PRR16: variants seen among roughly 807,000 people sequenced by gnomAD.
PRR16 encodes protein Largen.
Under a neutral mutation model 18.2 loss-of-function variants are expected in PRR16, and 6 were observed. The ratio of observed to expected loss-of-function variants is 0.33; its 90% CI spans 0.18 to 0.65. The LOEUF (loss-of-function observed/expected upper bound fraction) is 0.65, where lower values mean the gene tolerates loss of function less well. PRR16 is among the 30% of genes least tolerant of loss of function. The pLI is 0.74. For synonymous variants in PRR16, 151 were observed against 147.8 expected, an observed-to-expected ratio of 1.02 and a Z score of -0.16; for missense variants, 412 against 376.6, an observed-to-expected ratio of 1.09 and a Z score of -0.78.
chr5:120,606,197 C>T (rs772853622), intron 1 of PRR16, among the ~76,000 whole-genome samples: 5 of 152,116 alleles, frequency 3.3e-5, no homozygotes, highest in Non-Finnish European at 7.3e-5. Context: ...TTCTGGTTTC[C>T]AGAATGTGCC....
the PRR16 span, among the ~76,000 whole-genome samples, chr5:120,776,710 ATTATAT>A: frequency 1.4e-4 from 21 of 152,238 alleles, no homozygotes; most frequent in South Asian, 4.1e-4. Flanking sequence ...TTTCTCATAG[ATTATAT>A]TTGTATTTGT....
At chr5:120,667,352 T>C (rs1415115930) in intron 1 of PRR16, among the ~76,000 whole-genome samples, 5 of 151,344 alleles carry the variant, frequency 3.3e-5, no homozygotes, top group South Asian at 2.1e-4. Flanking sequence ...TCTTTTTTTC[T>C]TTATTAGTCT....
the PRR16 span, among the ~76,000 whole-genome samples, chr5:120,746,537 T>C: frequency 6.6e-6 from 1 of 152,150 alleles, no homozygotes; most frequent in African/African-American, 2.4e-5. Flanking sequence ...AATTTATCAG[T>C]GTTTATCTTT....
At chr5:120,515,454 T>G (rs992166786) in intron 1 of PRR16, among the ~76,000 whole-genome samples, 1 of 152,192 alleles carries the variant, frequency 6.6e-6, no homozygotes, top group Non-Finnish European at 1.5e-5. Context: ...TATAAATCAT[T>G]GAAAATTGAT....
At chr5:120,713,613 A>C in the PRR16 span, among the ~76,000 whole-genome samples, 1 of 152,158 alleles carries the variant, frequency 6.6e-6, no homozygotes, top group Non-Finnish European at 1.5e-5. Flanking sequence ...AAAGAATCTG[A>C]GTCCGAAAGG....
At chr5:120,694,969 A>G in the PRR16 span, among the ~76,000 whole-genome samples, 1 of 152,192 alleles carries the variant, frequency 6.6e-6, no homozygotes, top group African/African-American at 2.4e-5. Context: ...ACCAAGCATA[A>G]AAGTTTGTGA....
chr5:120,537,700 A>T (rs1751765139), intron 1 of PRR16, among the ~76,000 whole-genome samples: 1 of 152,086 alleles, frequency 6.6e-6, no homozygotes, highest in Admixed American at 6.5e-5. Context: ...GCAAAAAATA[A>T]ATTGTTTTTA....
rs1231768992 is a variant in PRR16, at chr5:120,490,150, G to C, written c.159+25505G>C. The stretch of plus-strand genomic sequence containing the variant: ...GTGTCTTGGAGTTGCTGTTCTCGAG[G>C]AGTATCTTTGTGGCGTTCTCTGTAT... On this transcript the variant is annotated intron_variant, in intron 1 of 1. Coordinates refer to ENST00000407149, the MANE Select transcript of PRR16 (RefSeq NM_001300783.2). 2.6e-5 allele frequency among the ~76,000 whole-genome samples: 4 copies of C among 152,178 alleles called. No homozygotes were observed. The East Asian group carries it at 7.7e-4, about 29-fold the overall frequency.
At chr5:120,713,164 A>G in the PRR16 span, among the ~76,000 whole-genome samples, 1 of 152,132 alleles carries the variant, frequency 6.6e-6, no homozygotes, top group Non-Finnish European at 1.5e-5. Context: ...AAAGAAGAAA[A>G]TACTGCCATT....
At chr5:120,665,604 G>A (rs1756344525) in intron 1 of PRR16, among the ~76,000 whole-genome samples, 2 of 152,254 alleles carry the variant, frequency 1.3e-5, no homozygotes, top group East Asian at 1.9e-4. Flanking sequence ...TAACATGTAA[G>A]TCTTTAATCC....
the PRR16 span, among the ~76,000 whole-genome samples, chr5:120,784,920 G>A: frequency 5.9e-5 from 9 of 152,302 alleles, no homozygotes; most frequent in Admixed American, 1.3e-4. Context: ...GGTGTTAGGT[G>A]TATCTTTAAA....
chr5:120,591,670 ATAAT>A (rs984969305), intron 1 of PRR16, among the ~76,000 whole-genome samples: 3 of 152,110 alleles, frequency 2.0e-5, no homozygotes, highest in African/African-American at 7.2e-5. Context: ...AATTATTTGT[ATAAT>A]TACTTTCTGT....
intron 1 of PRR16, among the ~76,000 whole-genome samples, chr5:120,487,337 T>A (rs965103741): frequency 7.7e-4 from 117 of 152,174 alleles, no homozygotes; most frequent in African/African-American, 2.7e-3. Context: ...CAGTGGTTTG[T>A]AGTTCTCCTT....
chr5:120,603,693 G>A (rs1175009811), intron 1 of PRR16, among the ~76,000 whole-genome samples: 1 of 151,850 alleles, frequency 6.6e-6, no homozygotes, highest in Non-Finnish European at 1.5e-5. Flanking sequence ...TAGGGATTTA[G>A]TACAATATAC....
At chr5:120,496,932 A>G (rs924299033) in intron 1 of PRR16, among the ~76,000 whole-genome samples, 1 of 151,936 alleles carries the variant, frequency 6.6e-6, no homozygotes, top group Non-Finnish European at 1.5e-5. Context: ...TGTATTTTTT[A>G]ATTTTCCTTG....
the PRR16 span, among the ~76,000 whole-genome samples, chr5:120,754,256 A>AT: frequency 2.8e-4 from 9 of 32,660 alleles, no homozygotes; most frequent in African/African-American, 1.1e-3. Flanking sequence ...ATTATAATAT[A>AT]AAAATATAAA....
chr5:120,645,789 C>G (rs962146368), intron 1 of PRR16, among the ~76,000 whole-genome samples: 9 of 151,866 alleles, frequency 5.9e-5, no homozygotes, highest in African/African-American at 2.2e-4. Context: ...CTCTAGTGAT[C>G]AATTTATCTG....
intron 1 of PRR16, among the ~76,000 whole-genome samples, chr5:120,661,264 G>T (rs1178444353): frequency 1.3e-5 from 2 of 152,052 alleles, no homozygotes; most frequent in Non-Finnish European, 2.9e-5. Flanking sequence ...TTTCCTCAGA[G>T]CTTTGTACCC....
At chr5:120,668,715 G>A (rs767977727) in intron 1 of PRR16, among the ~76,000 whole-genome samples, 7 of 152,086 alleles carry the variant, frequency 4.6e-5, no homozygotes, top group Non-Finnish European at 7.3e-5. Flanking sequence ...CACTTATGAA[G>A]GTTAGTTTGG....
Sources: allele counts gnomAD v4.1 joint callset (sites outside exome capture counted in the v4.1 genomes callset), GRCh38; gene constraint gnomAD v4.1.1; transcripts MANE v1.5; gene names NCBI Gene and HGNC (gene_info 2026-07-23, HGNC 2026-07-21).